TMEM165: variants seen among roughly 807,000 people sequenced by gnomAD.
TMEM165 encodes putative divalent cation/proton antiporter TMEM165.
In TMEM165, 19 loss-of-function variants were observed where a neutral mutation model predicts 30.0. The observed-to-expected ratio is 0.63, with a 90% CI of 0.44 to 0.93. TMEM165 has a LOEUF of 0.93. Among genes scored for constraint, TMEM165 ranks in the 40% least tolerant of loss-of-function variants. The pLI is 0.00. For missense variants in TMEM165, 340 were observed against 417.0 expected (o/e 0.82, Z 1.61); for synonymous variants, 168 against 162.9 (o/e 1.03, Z -0.24).
chr4:55,421,166 C>CAAAAAAAA (rs71194559), intron 4 of TMEM165, among the ~76,000 whole-genome samples: 1 of 83,494 alleles, frequency 1.2e-5, no homozygotes, highest in Non-Finnish European at 2.3e-5. Context: ...GATTCCATCT[C>CAAAAAAAA]AAAAAAAAAA....
intron 2 of TMEM165, among the ~76,000 whole-genome samples, chr4:55,416,501 CATT>C (rs779265890): frequency 7.9e-5 from 12 of 152,052 alleles, no homozygotes; most frequent in Non-Finnish European, 1.5e-4. Context: ...CCTGTTGTAA[CATT>C]ATTTTAATAT....
At chr4:55,402,433 ATTTTTTTTTTTTTTT>A (rs1170738654) in intron 1 of TMEM165, among the ~76,000 whole-genome samples, 2 of 30,774 alleles carry the variant, frequency 6.5e-5, no homozygotes, top group African/African-American at 3.2e-4. Flanking sequence ...ATATATATAT[ATTTTTTTTTTTTTTT>A]TTTTTTTTTT....
At chr4:55,426,916 G>GGAA (rs920444573), downstream of TMEM165, among the ~76,000 whole-genome samples, 16 of 152,280 alleles carry the variant, frequency 1.1e-4, no homozygotes, top group Admixed American at 4.6e-4. Context: ...TTCTGCTATA[G>GGAA]GAAGTATCAA....
chr4:55,441,546 A>T (rs1329977869), intron 3 of TMEM165, among the ~76,000 whole-genome samples: 1 of 152,236 alleles, frequency 6.6e-6, no homozygotes, highest in Non-Finnish European at 1.5e-5. Flanking sequence ...CCTACTACTC[A>T]GCCATAAAAA....
At chr4:55,414,781 C>T (rs1348601485) in intron 2 of TMEM165, among the ~76,000 whole-genome samples, 1 of 152,126 alleles carries the variant, frequency 6.6e-6, no homozygotes, top group Non-Finnish European at 1.5e-5. Context: ...TGTATCCCTC[C>T]TCCCTCCACC....
At chr4:55,418,983 T>G (rs1721855592) in intron 4 of TMEM165, among the ~76,000 whole-genome samples, 1 of 152,030 alleles carries the variant, frequency 6.6e-6, no homozygotes, top group African/African-American at 2.4e-5. Flanking sequence ...AGGCAGAGGT[T>G]GCAGTGAGCC....
At chr4:55,442,522 G>C in intron 3 of TMEM165, 1 of 1,609,382 alleles carries the variant, frequency 6.2e-7, no homozygotes, top group Non-Finnish European at 8.5e-7. Context: ...CATGCTTCCG[G>C]CTGCAGGCTG....
chr4:55,408,743 T>G (rs1293803018), intron 1 of TMEM165, among the ~76,000 whole-genome samples: 1 of 152,158 alleles, frequency 6.6e-6, no homozygotes, highest in Non-Finnish European at 1.5e-5. Context: ...TTGATCACTA[T>G]TGTGTTTGAT....
In TMEM165 at chr4:55,445,075, G is replaced by T. The variant is rs142185009; in HGVS notation, c.409-7164G>T. 5.5e-4 allele frequency among the ~76,000 whole-genome samples: 74 copies of T among 135,094 alleles called. 1 individual carries two copies. The East Asian group carries it at 0.018, about 32-fold the overall frequency. The allele number at this position is 135,094 out of a possible 152,430, so 88.6% of individuals were successfully genotyped here. On this transcript the variant is annotated intron_variant, in intron 3 of 3. Transcript: ENST00000608091. ...TCAACTCCTGGTTCTGGTGCTTCTT[G>T]CTCTTATGTCAGGGTGCCAACGGGA...
chr4:55,399,799 C>G (rs1361882003), intron 1 of TMEM165, among the ~76,000 whole-genome samples: 9 of 152,056 alleles, frequency 5.9e-5, no homozygotes, highest in Non-Finnish European at 8.8e-5. Context: ...CTCCTGGACT[C>G]AGGCCATCCT....
chr4:55,453,055 T>C, exon 4 of TMEM165: 1 of 1,606,162 alleles, frequency 6.2e-7, no homozygotes, highest in Non-Finnish European at 8.5e-7. Flanking sequence ...GAAACATACT[T>C]TGTCAGCAGC....
In TMEM165 at chr4:55,448,601, CGTGTGTGTGTGTGTGTGTGT is replaced by C. The variant is rs3034980; in HGVS notation, c.409-3614_409-3595del. On this transcript the variant is annotated intron_variant, in intron 3 of 3. Transcript: ENST00000608091. ...ATATATGTGCGCGCGCGCACGCGCG[CGTGTGTGTGTGTGTGTGTGT>C]GTGTGTGTGTGTGTGTGTGTGTGCT... Among the ~76,000 whole-genome samples the C allele has an allele frequency of 2.4e-4, 28 of 116,980 alleles. 1 individual carries two copies. The highest frequency in any genetic ancestry group is 7.8e-4 in the African/African-American group (25 of 32,030). The allele number at this position is 116,980 out of a possible 152,430, so 76.7% of individuals were successfully genotyped here.
downstream of TMEM165, chr4:55,426,285 T>TAAAC (rs1722197117): frequency 6.6e-6 from 1 of 152,198 alleles, no homozygotes; most frequent in Non-Finnish European, 1.5e-5. Flanking sequence ...CTAAAGTAGC[T>TAAAC]AAACAGGAGC....
chr4:55,413,585 G>T (rs1418828675), intron 2 of TMEM165, among the ~76,000 whole-genome samples: 2 of 152,242 alleles, frequency 1.3e-5, no homozygotes, highest in African/African-American at 4.8e-5. Context: ...AAAGTGCTGC[G>T]ATTACAGGCG....
chr4:55,412,208 A>G (rs561830428), intron 2 of TMEM165: 4 of 284,644 alleles, frequency 1.4e-5, no homozygotes, highest in East Asian at 1.1e-4. Flanking sequence ...AGCCTGACCA[A>G]TGTGGTGAAA....
At chr4:55,398,328 T>C (rs115581241) in intron 1 of TMEM165, among the ~76,000 whole-genome samples, 2,235 of 152,152 alleles carry the variant, frequency 0.015, 20 homozygotes, top group Non-Finnish European at 0.022. Flanking sequence ...GTGAAGATTC[T>C]GGGAGCCGAT....
chr4:55,397,031 A>G (rs1161763505), intron 1 of TMEM165: 2 of 152,200 alleles, frequency 1.3e-5, no homozygotes, highest in Non-Finnish European at 2.9e-5. Context: ...CCTTCCCTGA[A>G]TAGATACTAG....
intron 1 of TMEM165, among the ~76,000 whole-genome samples, chr4:55,404,807 C>G (rs1459952035): frequency 6.6e-6 from 1 of 152,174 alleles, no homozygotes; most frequent in Admixed American, 6.5e-5. Flanking sequence ...TCATTTGACA[C>G]TGTTAATTCT....
At chr4:55,412,991 T>A (rs114571142) in intron 2 of TMEM165, among the ~76,000 whole-genome samples, 37,686 of 150,868 alleles carry the variant, frequency 0.25, 4,991 homozygotes, top group South Asian at 0.37. Flanking sequence ...TTATTTATTT[T>A]TTTTTAGAGA....
Sources: allele counts gnomAD v4.1 joint callset (sites outside exome capture counted in the v4.1 genomes callset), GRCh38; gene constraint gnomAD v4.1.1; transcripts MANE v1.5; gene names NCBI Gene and HGNC (gene_info 2026-07-23, HGNC 2026-07-21).